The following ROBO2 variants were observed in gnomAD, a reference collection of about 807,000 sequenced individuals.
ROBO2 encodes the protein roundabout homolog 2.
In ROBO2, 53 loss-of-function variants were observed where a neutral mutation model predicts 160.8. The ratio of observed to expected loss-of-function variants is 0.33; its 90% CI spans 0.26 to 0.41. The LOEUF is 0.41. ROBO2 is among the 10% of genes least tolerant of loss of function. ROBO2 has a pLI of 1.00. For synonymous variants in ROBO2, 664 were observed against 611.7 expected, an observed-to-expected ratio of 1.09 and a Z score of -1.26; for missense variants, 1,577 against 1,722.4, an observed-to-expected ratio of 0.92 and a Z score of 1.49.
Position 77,594,388 on chromosome 3 carries a change from T to A in ROBO2, c.2684-754T>A, listed in dbSNP as rs115748069. On this transcript the variant is annotated intron_variant, in intron 17 of 25. Transcript: ENST00000461745. The stretch of plus-strand genomic sequence containing the variant: ...GGCCAGTCCTTAAAATCCACTTTCA[T>A]GTTGTTAGGTTTGTAGGCTTGAAAC... 1.0e-2 allele frequency among the ~76,000 whole-genome samples: 1,521 copies of A among 152,268 alleles called. 26 individuals carry two copies. The highest frequency in any genetic ancestry group is 0.034 in the African/African-American group (1,403 of 41,568).
At chr3:76,913,721 C>G (rs1261736649) in intron 2 of ROBO2, among the ~76,000 whole-genome samples, 1 of 152,192 alleles carries the variant, frequency 6.6e-6, no homozygotes, top group Non-Finnish European at 1.5e-5. Context: ...ATCATTCCAA[C>G]TTCTTTCTAG....
intron 4 of ROBO2, among the ~76,000 whole-genome samples, chr3:77,487,588 A>G (rs959005728): frequency 6.6e-6 from 1 of 152,208 alleles, no homozygotes; most frequent in South Asian, 2.1e-4. Flanking sequence ...TTCACATTCA[A>G]TGACTATCAA....
At chr3:77,284,808 G>A (rs2060474098) in intron 2 of ROBO2, among the ~76,000 whole-genome samples, 1 of 151,862 alleles carries the variant, frequency 6.6e-6, no homozygotes, top group South Asian at 2.1e-4. Context: ...ATTGTAAAGG[G>A]CCAATTAAAT....
chr3:76,893,783 T>G (rs1464628797), intron 2 of ROBO2, among the ~76,000 whole-genome samples: 1 of 152,080 alleles, frequency 6.6e-6, no homozygotes, highest in African/African-American at 2.4e-5. Context: ...TCTAACACTA[T>G]GTTTATGCCC....
intron 2 of ROBO2, among the ~76,000 whole-genome samples, chr3:76,851,391 C>T (rs2069330823): frequency 6.6e-6 from 1 of 152,146 alleles, no homozygotes; most frequent in Non-Finnish European, 1.5e-5. Context: ...ATGTTAAATA[C>T]TAAATCAGAC....
intron 2 of ROBO2, among the ~76,000 whole-genome samples, chr3:77,245,355 G>A (rs965720081): frequency 1.3e-5 from 2 of 152,132 alleles, no homozygotes; most frequent in Non-Finnish European, 1.5e-5. Context: ...GCTGGTTAAC[G>A]GGTAATGACA....
intron 2 of ROBO2, among the ~76,000 whole-genome samples, chr3:77,378,742 G>A (rs1346831776): frequency 1.3e-5 from 2 of 152,050 alleles, no homozygotes; most frequent in South Asian, 4.1e-4. Context: ...TCTCTGAACC[G>A]GTGTTAGATT....
intron 22 of ROBO2, among the ~76,000 whole-genome samples, chr3:77,621,594 G>A (rs551810183): frequency 6.6e-6 from 1 of 152,226 alleles, no homozygotes; most frequent in South Asian, 2.1e-4. Flanking sequence ...ATGCCTTTGA[G>A]GAGTTTAAGA....
chr3:76,568,212 G>T (rs1261785491), intron 2 of ROBO2, among the ~76,000 whole-genome samples: 1 of 151,892 alleles, frequency 6.6e-6, no homozygotes, highest in African/African-American at 2.4e-5. Flanking sequence ...CACTTTCATC[G>T]ACATCTATTT....
intron 2 of ROBO2, among the ~76,000 whole-genome samples, chr3:76,671,075 T>C (rs1270433763): frequency 6.6e-6 from 1 of 152,134 alleles, no homozygotes; most frequent in East Asian, 1.9e-4. Context: ...AACAGTACTT[T>C]AAAACAAAAT....
At chr3:77,361,919 C>A (rs1164107657) in intron 2 of ROBO2, among the ~76,000 whole-genome samples, 1 of 152,166 alleles carries the variant, frequency 6.6e-6, no homozygotes, top group Non-Finnish European at 1.5e-5. Flanking sequence ...TACAAATGTT[C>A]ACCGAATGCC....
chr3:77,562,549 T>A (rs781580463), intron 9 of ROBO2, 102 bp from the exon 11 acceptor site: 1 of 770,720 alleles, frequency 1.3e-6, no homozygotes. Flanking sequence ...AACAAAATGA[T>A]ACATCTAATT....
Position 77,221,854 on chromosome 3 carries a change from C to T in ROBO2, c.388+123514C>T, listed in dbSNP as rs978708106. On this transcript the variant is annotated intron_variant, in intron 2 of 25. Transcript: ENST00000461745. Reference sequence around the variant, plus strand: ...TCTTTTTTCTTTTCTTTTTCTTTTTCTTTTTTTTTTTTTTTTTGAGACAGA... The same window carrying T: ...TCTTTTTTCTTTTCTTTTTCTTTTTTTTTTTTTTTTTTTTTTTGAGACAGA... Among the ~76,000 whole-genome samples, 84 of 140,272 alleles carry T rather than the reference C, an allele frequency of 6.0e-4. 1 individual carries two copies. Among genetic ancestry groups the T allele is most frequent in the African/African-American group, 2.0e-3 (73 of 37,062 alleles). The allele number at this position is 140,272 out of a possible 152,430, so 92.0% of individuals were successfully genotyped here. A position where few individuals can be genotyped will look rare whatever the true frequency, so the allele number is the denominator to read the frequency against.
intron 22 of ROBO2, among the ~76,000 whole-genome samples, chr3:77,621,098 G>A (rs2153705262): frequency 8.7e-6 from 1 of 114,686 alleles, no homozygotes. Context: ...TTTGAAACAA[G>A]TCACTTAAAT....
intron 6 of ROBO2, among the ~76,000 whole-genome samples, chr3:77,542,100 C>G (rs758494055): frequency 1.3e-5 from 2 of 152,216 alleles, no homozygotes; most frequent in Non-Finnish European, 2.9e-5. Context: ...AGACCATTTT[C>G]ACTGCCACCT....
chr3:76,627,915 T>C (rs2089764169), intron 2 of ROBO2, among the ~76,000 whole-genome samples: 1 of 152,134 alleles, frequency 6.6e-6, no homozygotes, highest in Admixed American at 6.6e-5. Context: ...TTGGCCATAA[T>C]CCTAAAACTA....
chr3:76,539,836 C>T (rs958296923), intron 2 of ROBO2, among the ~76,000 whole-genome samples: 2 of 152,284 alleles, frequency 1.3e-5, no homozygotes, highest in African/African-American at 4.8e-5. Flanking sequence ...TAAGAGAATA[C>T]TGCTTTTCTA....
chr3:76,614,525 A>T (rs2088409490), intron 2 of ROBO2, among the ~76,000 whole-genome samples: 2 of 152,004 alleles, frequency 1.3e-5, no homozygotes, highest in Admixed American at 6.6e-5. Context: ...ATTTTTATGA[A>T]CTACAGGCAC....
chr3:76,225,196 A>T (rs767577065), intron 2 of ROBO2, among the ~76,000 whole-genome samples: 3 of 152,292 alleles, frequency 2.0e-5, no homozygotes, highest in African/African-American at 7.2e-5. Flanking sequence ...GGGGCTGTAC[A>T]TTCCCCACAG....
Sources: allele counts gnomAD v4.1 joint callset (sites outside exome capture counted in the v4.1 genomes callset), GRCh38; gene constraint gnomAD v4.1.1; transcripts MANE v1.5; gene names NCBI Gene and HGNC (gene_info 2026-07-23, HGNC 2026-07-21).